Variants in SPOP observed in about 807,000 individuals in gnomAD.
SPOP encodes speckle-type POZ protein.
Under a neutral mutation model 45.6 loss-of-function variants are expected in SPOP, and 11 were observed. The ratio of observed to expected loss-of-function variants is 0.24; its 90% CI spans 0.15 to 0.40. The LOEUF (loss-of-function observed/expected upper bound fraction) is 0.40, where lower values mean the gene tolerates loss of function less well. Among genes scored for constraint, SPOP ranks in the 10% least tolerant of loss-of-function variants. The pLI is 1.00. For synonymous variants in SPOP, 166 were observed against 166.3 expected (o/e 1.00, Z 0.01); for missense variants, 152 against 465.6 (o/e 0.33, Z 6.20).
intron 5 of SPOP, among the ~76,000 whole-genome samples, chr17:49,615,577 G>A (rs2072069047): frequency 6.6e-6 from 1 of 152,046 alleles, no homozygotes; most frequent in South Asian, 2.1e-4. Context: ...TCACAAGCAC[G>A]ATCATAGCAC....
rs985583442 is a variant in SPOP at position 49,659,405 on chromosome 17, A to T, written c.-67+18528T>A. Among the ~76,000 whole-genome samples the T allele has an allele frequency of 9.8e-5, 15 of 152,300 alleles. No homozygotes were observed. In the East Asian group the frequency reaches 2.9e-3, roughly 29 times the overall value. ...TCCTCCGACAGCTTCGTATCTGCTA[A>T]TGGACGGATCATTCACCTAGGCTTT... is the stretch of plus-strand genomic sequence containing the variant. On this transcript the variant is annotated intron_variant, in intron 1 of 9. Coordinates refer to ENST00000504102, the MANE Select transcript of SPOP (RefSeq NM_001007228.2).
chr17:49,647,931 C>T (rs1249950604), intron 1 of SPOP, among the ~76,000 whole-genome samples: 1 of 152,180 alleles, frequency 6.6e-6, no homozygotes, highest in Non-Finnish European at 1.5e-5. Flanking sequence ...TCCACAGTTA[C>T]CTTCCTCTCC....
chr17:49,628,388 T>C (rs1054347961), intron 1 of SPOP, among the ~76,000 whole-genome samples: 1 of 152,210 alleles, frequency 6.6e-6, no homozygotes, highest in East Asian at 1.9e-4. Context: ...TAGTATCAGC[T>C]AGCAACTAAT....
intron 1 of SPOP, among the ~76,000 whole-genome samples, chr17:49,654,656 A>G (rs1403681838): frequency 6.6e-6 from 1 of 152,116 alleles, no homozygotes; most frequent in African/African-American, 2.4e-5. Flanking sequence ...GTGGTGGTAC[A>G]TGCCTGTAGT....
intron 2 of SPOP, 26 bp downstream of exon 2, chr17:49,622,707 T>C: frequency 6.2e-7 from 1 of 1,607,396 alleles, no homozygotes; most frequent in Non-Finnish European, 8.5e-7. Context: ...AGATGCAAGA[T>C]TCACAGGCTG....
intron 1 of SPOP, among the ~76,000 whole-genome samples, chr17:49,643,470 G>T (rs764885855): frequency 1.3e-5 from 2 of 152,094 alleles, no homozygotes; most frequent in African/African-American, 4.8e-5. Context: ...ATCAAATATC[G>T]AGGTGAAGAC....
At chr17:49,650,592 A>C (rs906718624) in intron 1 of SPOP, among the ~76,000 whole-genome samples, 5 of 152,192 alleles carry the variant, frequency 3.3e-5, no homozygotes, top group African/African-American at 1.2e-4. Flanking sequence ...AAATAATAAT[A>C]ACAATAATAA....
At chr17:49,606,164 A>G (rs138936771) in intron 8 of SPOP, among the ~76,000 whole-genome samples, 77 of 151,658 alleles carry the variant, frequency 5.1e-4, no homozygotes, top group African/African-American at 1.7e-3. Flanking sequence ...TTTTTAATTT[A>G]TTTTTTTGAA....
intron 1 of SPOP, among the ~76,000 whole-genome samples, chr17:49,673,167 G>A (rs751187647): frequency 6.6e-6 from 1 of 152,036 alleles, no homozygotes; most frequent in Non-Finnish European, 1.5e-5. Context: ...AGTATTTAAG[G>A]GTAAAGTGTC....
intron 1 of SPOP, among the ~76,000 whole-genome samples, chr17:49,663,717 C>T (rs1283648352): frequency 6.6e-6 from 1 of 152,126 alleles, no homozygotes; most frequent in Non-Finnish European, 1.5e-5. Flanking sequence ...CCATGGAACC[C>T]TACTTTTACT....
intron 2 of SPOP, 80 bp from the exon 3 acceptor site, chr17:49,622,147 C>A: frequency 6.6e-7 from 1 of 1,519,208 alleles, no homozygotes; most frequent in Non-Finnish European, 9.0e-7. Flanking sequence ...ATTATCATTT[C>A]CCCTCCCTCC....
intron 5 of SPOP, among the ~76,000 whole-genome samples, chr17:49,611,879 C>G (rs1021955841): frequency 1.4e-4 from 16 of 115,352 alleles, no homozygotes; most frequent in African/African-American, 5.3e-4. Flanking sequence ...AGACAAGAAT[C>G]TGATCACTTT....
Position 49,622,013 on chromosome 17 carries a change from G to A in SPOP, c.133C>T (p.Arg45Trp), listed in dbSNP as rs2143295460. 6.2e-7 allele frequency: 1 copy of A among 1,613,834 alleles called. No homozygotes were observed. The highest frequency in any genetic ancestry group is 8.5e-7 in the Non-Finnish European group (1 of 1,179,860). Reference protein sequence around the residue: ...MWTINNFSFCREEMGEVIKSS... With the variant: ...MWTINNFSFCWEEMGEVIKSS... Reference sequence around the variant, plus strand: ...TTAATGACTTCACCCATTTCCTCCCGGCAAAAGCTAAAGTTATTGATGGTC... The same window carrying A: ...TTAATGACTTCACCCATTTCCTCCCAGCAAAAGCTAAAGTTATTGATGGTC... The change falls in exon 3 of 10, where the codon CGG becomes TGG. Residue 45 changes from arginine (R) to tryptophan (W), a missense_variant. By Grantham distance (101) the Arg-to-Trp change is moderately radical. Transcript: ENST00000504102.
intron 1 of SPOP, chr17:49,646,714 A>G (rs2072764619): frequency 1.3e-5 from 2 of 152,194 alleles, no homozygotes; most frequent in South Asian, 2.1e-4. Context: ...GATTTTCAAC[A>G]GCTCTGTGAG....
intron 1 of SPOP, among the ~76,000 whole-genome samples, chr17:49,675,353 C>G (rs1226642046): frequency 6.6e-6 from 1 of 152,062 alleles, no homozygotes; most frequent in East Asian, 1.9e-4. Context: ...GTGAGAAAAG[C>G]AAAGTGCAGA....
intron 1 of SPOP, among the ~76,000 whole-genome samples, chr17:49,655,252 C>A (rs2072892067): frequency 6.6e-6 from 1 of 152,186 alleles, no homozygotes; most frequent in South Asian, 2.1e-4. Flanking sequence ...TGGCTTACTC[C>A]TGTAATCCCA....
chr17:49,651,617 C>T (rs1358796903), intron 1 of SPOP, among the ~76,000 whole-genome samples: 2 of 152,164 alleles, frequency 1.3e-5, no homozygotes, highest in Non-Finnish European at 2.9e-5. Flanking sequence ...GAATAAAAGG[C>T]TTCCTTTATT....
At chr17:49,673,997 T>C (rs1316226216) in intron 1 of SPOP, among the ~76,000 whole-genome samples, 1 of 151,928 alleles carries the variant, frequency 6.6e-6, no homozygotes, top group Admixed American at 6.6e-5. Flanking sequence ...AAATACAAAA[T>C]TAGCCGGGCG....
intron 8 of SPOP, among the ~76,000 whole-genome samples, chr17:49,606,393 C>T (rs1038234017): frequency 6.7e-6 from 1 of 150,314 alleles, no homozygotes; most frequent in African/African-American, 2.4e-5. Flanking sequence ...TGGGCTCAAG[C>T]GATCCTTCCT....
Sources: allele counts gnomAD v4.1 joint callset (sites outside exome capture counted in the v4.1 genomes callset), GRCh38; gene constraint gnomAD v4.1.1; transcripts MANE v1.5; gene names NCBI Gene and HGNC (gene_info 2026-07-23, HGNC 2026-07-21).